Variants in HS3ST4 observed in about 807,000 individuals in gnomAD.
HS3ST4 encodes the protein heparan sulfate glucosamine 3-O-sulfotransferase 4.
HS3ST4 carries 17 observed loss-of-function variants against 29.2 expected under a neutral mutation model. The ratio of observed to expected loss-of-function variants is 0.58; its 90% CI spans 0.40 to 0.87. The LOEUF is 0.87. Ranked by LOEUF, HS3ST4 falls within the 40% of genes least tolerant of loss-of-function variation. The pLI is 0.00. For missense variants in HS3ST4, 627 were observed against 634.5 expected (o/e 0.99, Z 0.13); for synonymous variants, 314 against 285.7 (o/e 1.10, Z -1.00).
intron 1 of HS3ST4, among the ~76,000 whole-genome samples, chr16:25,761,530 C>T (rs1966788593): frequency 1.3e-5 from 2 of 152,212 alleles, no homozygotes; most frequent in South Asian, 2.1e-4. Context: ...GGTTTGGCAT[C>T]TCCATCAGCC....
At chr16:25,946,970 A>G (rs1678352137) in intron 1 of HS3ST4, among the ~76,000 whole-genome samples, 1 of 152,170 alleles carries the variant, frequency 6.6e-6, no homozygotes, top group South Asian at 2.1e-4. Flanking sequence ...GTGGTTGGGG[A>G]GCTGAGCAGG....
chr16:26,117,672 G>C (rs939235591), intron 1 of HS3ST4, among the ~76,000 whole-genome samples: 5 of 152,218 alleles, frequency 3.3e-5, no homozygotes, highest in African/African-American at 1.2e-4. Flanking sequence ...TGAGATGGAG[G>C]CCTGCCGGAG....
chr16:25,976,718 T>C (rs1968947208), intron 1 of HS3ST4, among the ~76,000 whole-genome samples: 1 of 152,240 alleles, frequency 6.6e-6, no homozygotes. Context: ...GAACAGTACC[T>C]ACTTATCTTC....
At chr16:25,980,898 A>G (rs8053304) in intron 1 of HS3ST4, among the ~76,000 whole-genome samples, 141,646 of 152,176 alleles carry the variant, frequency 0.93, 66,047 homozygotes, top group African/African-American at 0.96. Context: ...TTCATGGGAA[A>G]GAATGGGCGA....
chr16:25,886,737 T>TTCAGCAC (rs1967957841), intron 1 of HS3ST4: 1 of 152,336 alleles, frequency 6.6e-6, no homozygotes, highest in Non-Finnish European at 1.5e-5. Context: ...AAGTAGTTCA[T>TTCAGCAC]TCAGCACGGC....
At chr16:25,861,489 T>A (rs1188891357) in intron 1 of HS3ST4, among the ~76,000 whole-genome samples, 1 of 152,242 alleles carries the variant, frequency 6.6e-6, no homozygotes, top group Admixed American at 6.5e-5. Flanking sequence ...CTTAAATCGT[T>A]GGCATATGTG....
chr16:26,129,897 T>C (rs1170426118), intron 1 of HS3ST4, among the ~76,000 whole-genome samples: 2 of 152,160 alleles, frequency 1.3e-5, no homozygotes, highest in African/African-American at 4.8e-5. Context: ...GCATGTTAAC[T>C]ATTGTTATTG....
intron 1 of HS3ST4, among the ~76,000 whole-genome samples, chr16:25,810,686 T>G (rs1041990253): frequency 2.0e-5 from 3 of 152,238 alleles, no homozygotes; most frequent in African/African-American, 7.2e-5. Context: ...GCCTAGCATA[T>G]AATATGGGCT....
intron 1 of HS3ST4, among the ~76,000 whole-genome samples, chr16:25,767,450 C>T (rs1250824382): frequency 6.6e-6 from 1 of 152,088 alleles, no homozygotes; most frequent in East Asian, 1.9e-4. Context: ...CAACTCCATC[C>T]AGTTTCCATG....
At chr16:25,955,640 G>A (rs1273690172) in intron 1 of HS3ST4, among the ~76,000 whole-genome samples, 1 of 151,844 alleles carries the variant, frequency 6.6e-6, no homozygotes, top group Non-Finnish European at 1.5e-5. Context: ...GTGTTCCCAG[G>A]GCACTTCAAA....
chr16:26,055,610 A>G (rs1171987176), intron 1 of HS3ST4, among the ~76,000 whole-genome samples: 15 of 152,132 alleles, frequency 9.9e-5, no homozygotes, highest in Admixed American at 9.8e-4. Context: ...AGTTTTGAAA[A>G]GTTTCCCGCA....
chr16:25,732,521 A>G (rs550793953), intron 1 of HS3ST4, among the ~76,000 whole-genome samples: 2 of 152,306 alleles, frequency 1.3e-5, no homozygotes, highest in Admixed American at 6.5e-5. Context: ...CCAGCTTTTC[A>G]CAGTGACACC....
intron 1 of HS3ST4, among the ~76,000 whole-genome samples, chr16:25,775,584 G>A (rs539136565): frequency 5.9e-5 from 9 of 152,130 alleles, no homozygotes; most frequent in Admixed American, 1.3e-4. Context: ...CATGCACCTC[G>A]TAATCACTTT....
At chr16:25,756,621 C>T (rs771811112) in intron 1 of HS3ST4, among the ~76,000 whole-genome samples, 1 of 152,150 alleles carries the variant, frequency 6.6e-6, no homozygotes, top group African/African-American at 2.4e-5. Context: ...AACCTTCCTG[C>T]AGAAGTAGAG....
intron 1 of HS3ST4, among the ~76,000 whole-genome samples, chr16:25,850,223 C>A (rs1298022517): frequency 6.6e-6 from 1 of 151,664 alleles, no homozygotes; most frequent in Non-Finnish European, 1.5e-5. Context: ...GGTCTTGAAC[C>A]CTGATCCACC....
rs35207548 is a variant in HS3ST4, at chr16:26,112,250, A to ATGTG, written c.735-23339_735-23336dup. 3.4e-3 allele frequency among the ~76,000 whole-genome samples: 499 copies of ATGTG among 148,450 alleles called. 5 individuals carry two copies. The highest frequency in any genetic ancestry group is 0.012 in the African/African-American group (471 of 40,344). Reference sequence around the variant, plus strand: ...CATGCTCGAGTGTGTGTGTGTGTGTATGTGTGTGTGTGTGTGTGTGTGTGT... The same window carrying ATGTG: ...CATGCTCGAGTGTGTGTGTGTGTGTATGTGTGTGTGTGTGTGTGTGTGTGTGTGT... On this transcript the variant is annotated intron_variant, in intron 1 of 1. Transcript: ENST00000331351.
intron 1 of HS3ST4, among the ~76,000 whole-genome samples, chr16:25,948,557 T>A (rs1229005069): frequency 6.6e-6 from 1 of 152,124 alleles, no homozygotes; most frequent in African/African-American, 2.4e-5. Context: ...CTGGAAATAA[T>A]TTCTCCTGTT....
intron 1 of HS3ST4, among the ~76,000 whole-genome samples, chr16:25,718,675 G>A (rs1443206706): frequency 6.6e-6 from 1 of 152,102 alleles, no homozygotes; most frequent in East Asian, 1.9e-4. Context: ...GTATGATAAC[G>A]AGCCTCCAAG....
intron 1 of HS3ST4, among the ~76,000 whole-genome samples, chr16:26,084,757 T>G (rs1234981721): frequency 6.6e-6 from 1 of 151,758 alleles, no homozygotes; most frequent in Non-Finnish European, 1.5e-5. Context: ...GCTAATTATT[T>G]TAGTTGTTGT....
Sources: gnomAD v4.1 joint callset for allele counts (sites outside exome capture counted in the v4.1 genomes callset) on GRCh38, gnomAD v4.1.1 for gene constraint, MANE v1.5 for transcripts, NCBI Gene and HGNC (gene_info 2026-07-23, HGNC 2026-07-21) for gene names.